The following STPG2 variants were observed in gnomAD, a reference collection of about 807,000 sequenced individuals.
STPG2 encodes sperm tail PG-rich repeat containing 2, also known as sperm-tail PG-rich repeat-containing protein 2.
In STPG2, 56 loss-of-function variants were observed where a neutral mutation model predicts 54.2. That is an observed-to-expected ratio of 1.03 (90% confidence interval 0.83 to 1.29). The LOEUF (loss-of-function observed/expected upper bound fraction) is 1.29, where lower values mean the gene tolerates loss of function less well. Ranked by LOEUF, STPG2 falls within the 50% of genes most tolerant of loss-of-function variation. The pLI is 0.00. For missense variants in STPG2, 596 were observed against 544.9 expected (o/e 1.09, Z -0.93); for synonymous variants, 200 against 181.8 (o/e 1.10, Z -0.81).
At chr4:97,747,306 A>T (rs1456222626) in intron 9 of STPG2, among the ~76,000 whole-genome samples, 1 of 151,388 alleles carries the variant, frequency 6.6e-6, no homozygotes, top group Non-Finnish European at 1.5e-5. Context: ...GTAACTCAAA[A>T]ATTAAGATTA....
rs149828143 is a variant in STPG2, at chr4:97,477,221, G to A, written c.462+235478C>T. Among the ~76,000 whole-genome samples the A allele has an allele frequency of 6.0e-3, 920 of 152,222 alleles. 5 individuals carry two copies. Among genetic ancestry groups the A allele is most frequent in the South Asian group, 0.02 (98 of 4,814 alleles). ...TTTTACAGTAGCTTATATAGTAACT[G>A]TCATTATTTCTATTAATTTATACCA... On this transcript the variant is annotated intron_variant, in intron 4 of 4. Transcript: ENST00000522676.
At chr4:97,879,183 A>G (rs1490598325) in intron 8 of STPG2, among the ~76,000 whole-genome samples, 1 of 152,200 alleles carries the variant, frequency 6.6e-6, no homozygotes, top group East Asian at 1.9e-4. Flanking sequence ...AGTCTCTAGG[A>G]AGTTCCAAAC....
chr4:97,494,898 G>A (rs1048544907), intron 4 of STPG2, among the ~76,000 whole-genome samples: 4 of 151,278 alleles, frequency 2.6e-5, no homozygotes, highest in African/African-American at 4.8e-5. Flanking sequence ...AAATATATAC[G>A]CCACATACTT....
At chr4:97,461,525 T>A (rs1729663183) in intron 4 of STPG2, among the ~76,000 whole-genome samples, 1 of 152,122 alleles carries the variant, frequency 6.6e-6, no homozygotes, top group South Asian at 2.1e-4. Flanking sequence ...AAGTCAGCAG[T>A]CTGCAACCCA....
intron 7 of STPG2, among the ~76,000 whole-genome samples, chr4:97,945,385 T>C (rs1018078746): frequency 2.0e-5 from 3 of 152,158 alleles, no homozygotes; most frequent in Non-Finnish European, 4.4e-5. Context: ...GCAGAAGATA[T>C]TATGTTATTC....
At chr4:97,638,504 T>C (rs567152314) in intron 10 of STPG2, among the ~76,000 whole-genome samples, 1 of 152,018 alleles carries the variant, frequency 6.6e-6, no homozygotes, top group Non-Finnish European at 1.5e-5. Context: ...GGGATCTCAT[T>C]AAACTAAAGA....
chr4:97,883,845 ATAGT>A (rs1359629219), intron 8 of STPG2, among the ~76,000 whole-genome samples: 3 of 152,354 alleles, frequency 2.0e-5, no homozygotes, highest in South Asian at 2.1e-4. Flanking sequence ...TTCAGAAGAA[ATAGT>A]TAAGAGAGAA....
At chr4:97,687,739 G>A (rs1359442231) in intron 10 of STPG2, among the ~76,000 whole-genome samples, 1 of 151,898 alleles carries the variant, frequency 6.6e-6, no homozygotes, top group Non-Finnish European at 1.5e-5. Context: ...AAATTAGCTG[G>A]ACAAAATTAG....
intron 10 of STPG2, among the ~76,000 whole-genome samples, chr4:97,611,154 T>C (rs1733720326): frequency 6.6e-6 from 1 of 151,998 alleles, no homozygotes; most frequent in South Asian, 2.1e-4. Flanking sequence ...ATCTTTCAAA[T>C]AACAGATAAA....
chr4:98,015,834 A>T lies in STPG2; in HGVS notation c.613-34516T>A, dbSNP rs1006293305. Among the ~76,000 whole-genome samples, 3 of 152,260 alleles carry T rather than the reference A, an allele frequency of 2.0e-5. No homozygotes were observed. In the East Asian group the frequency reaches 5.8e-4, roughly 29 times the overall value. The stretch of plus-strand genomic sequence containing the variant: ...AATGTCCATCAATGACAAACTGGAT[A>T]AAGAAAATGTGGCACATATACACCA... On this transcript the variant is annotated intron_variant, in intron 5 of 10. Transcript: ENST00000295268.
chr4:97,959,791 C>G (rs1263142581), intron 7 of STPG2, among the ~76,000 whole-genome samples: 1 of 151,994 alleles, frequency 6.6e-6, no homozygotes, highest in Non-Finnish European at 1.5e-5. Context: ...GGTACCAATC[C>G]TTTTGACACT....
At chr4:97,563,331 C>G (rs1342399465) in intron 10 of STPG2, among the ~76,000 whole-genome samples, 1 of 151,874 alleles carries the variant, frequency 6.6e-6, no homozygotes, top group African/African-American at 2.4e-5. Context: ...ATTCTTCTGT[C>G]TTTTCTTATC....
At chr4:97,800,166 C>G (rs1430817607) in intron 9 of STPG2, among the ~76,000 whole-genome samples, 1 of 152,156 alleles carries the variant, frequency 6.6e-6, no homozygotes, top group Non-Finnish European at 1.5e-5. Context: ...TCGTCTGAAG[C>G]CTTCTTCTCT....
intron 8 of STPG2, among the ~76,000 whole-genome samples, chr4:97,850,547 T>G (rs1729125979): frequency 6.6e-6 from 1 of 151,900 alleles, no homozygotes; most frequent in South Asian, 2.1e-4. Context: ...TATCTAGACT[T>G]TATAATGATC....
intron 9 of STPG2, among the ~76,000 whole-genome samples, chr4:97,789,881 C>G (rs2149079570): frequency 6.6e-6 from 1 of 152,142 alleles, no homozygotes; most frequent in Non-Finnish European, 1.5e-5. Flanking sequence ...TTTCTGATCT[C>G]CTTGCAAATT....
chr4:97,441,877 A>C (rs1315369037), intron 4 of STPG2, among the ~76,000 whole-genome samples: 1 of 152,050 alleles, frequency 6.6e-6, no homozygotes, highest in Non-Finnish European at 1.5e-5. Flanking sequence ...ACGACAGAGC[A>C]AAAAAGAAAT....
chr4:97,447,904 TACTGACAGCTTGC>T (rs1729266919), intron 4 of STPG2, among the ~76,000 whole-genome samples: 1 of 152,116 alleles, frequency 6.6e-6, no homozygotes, highest in Non-Finnish European at 1.5e-5. Flanking sequence ...ATAGTAGGTC[TACTGACAGCTTGC>T]ACCCTGCAGC....
At chr4:97,761,520 C>T (rs995055241) in intron 9 of STPG2, among the ~76,000 whole-genome samples, 2 of 152,132 alleles carry the variant, frequency 1.3e-5, no homozygotes, top group Non-Finnish European at 2.9e-5. Flanking sequence ...CTTCTTGCCT[C>T]CTGAATTGTG....
intron 10 of STPG2, among the ~76,000 whole-genome samples, chr4:97,647,445 C>CT (rs1463367928): frequency 6.6e-6 from 1 of 152,108 alleles, no homozygotes; most frequent in African/African-American, 2.4e-5. Context: ...ACCTCCTGGC[C>CT]TGATATTACT....
Sources: allele counts gnomAD v4.1 joint callset (sites outside exome capture counted in the v4.1 genomes callset), GRCh38; gene constraint gnomAD v4.1.1; transcripts MANE v1.5; gene names NCBI Gene and HGNC (gene_info 2026-07-23, HGNC 2026-07-21).